SAXO1: variants seen among roughly 807,000 people sequenced by gnomAD.
SAXO1 encodes stabilizer of axonemal microtubules 1.
Under a neutral mutation model 17.5 loss-of-function variants are expected in SAXO1, and 21 were observed. The ratio of observed to expected loss-of-function variants is 1.20; its 90% CI spans 0.85 to 1.72. The LOEUF (loss-of-function observed/expected upper bound fraction) is 1.72, where lower values mean the gene tolerates loss of function less well. Among genes scored for constraint, SAXO1 ranks in the 40% most tolerant of loss-of-function variants. SAXO1 has a pLI of 0.00. For missense variants in SAXO1, 843 were observed against 596.0 expected (o/e 1.41, Z -4.32); for synonymous variants, 274 against 216.5 (o/e 1.27, Z -2.33).
rs1052462 is a variant in SAXO1, at chr9:18,927,823, G to T, written c.*229C>A. On this transcript the variant is annotated 3_prime_UTR_variant, in exon 4 of 4. Coordinates refer to ENST00000380534, the MANE Select transcript of SAXO1 (RefSeq NM_153707.4). ...GCACAAAGTAAAGGACCTGAAACGG[G>T]GTGGGGATGCAGTAAAGGAGAAGGT... 62,794 of 465,354 alleles carry T rather than the reference G, an allele frequency of 0.13. 4,849 individuals are homozygous for T. Among genetic ancestry groups the T allele is most frequent in the African/African-American group, 0.17 (8,435 of 50,896 alleles). 28.8% of individuals were successfully genotyped at this position (465,354 alleles called of 1,614,324 possible). A position where few individuals can be genotyped will look rare whatever the true frequency, so the allele number is the denominator to read the frequency against.
chr9:19,006,906 G>C (rs568101324), intron 1 of SAXO1, among the ~76,000 whole-genome samples: 1 of 152,104 alleles, frequency 6.6e-6, no homozygotes, highest in African/African-American at 2.4e-5. Context: ...TTAGCCAGGT[G>C]TGGTGATGTG....
chr9:19,048,681 C>T (rs766852737), intron 1 of SAXO1, among the ~76,000 whole-genome samples: 1 of 152,214 alleles, frequency 6.6e-6, no homozygotes, highest in African/African-American at 2.4e-5. Flanking sequence ...CATTTAGTAT[C>T]TGTGTAACTT....
chr9:18,968,842 C>A (rs1475241521), intron 1 of SAXO1, among the ~76,000 whole-genome samples: 1 of 152,174 alleles, frequency 6.6e-6, no homozygotes, highest in African/African-American at 2.4e-5. Flanking sequence ...AATCCACCCA[C>A]CTCAGCCTCC....
At chr9:18,951,103 C>G (rs1420155507) in intron 1 of SAXO1, among the ~76,000 whole-genome samples, 166 bp from the exon 2 acceptor site, 2 of 152,132 alleles carry the variant, frequency 1.3e-5, no homozygotes, top group Non-Finnish European at 2.9e-5. Flanking sequence ...CGTGAAGTGG[C>G]CAGAATATAA....
At chr9:18,973,861 G>A (rs1035286546) in intron 1 of SAXO1, among the ~76,000 whole-genome samples, 1 of 152,124 alleles carries the variant, frequency 6.6e-6, no homozygotes, top group Non-Finnish European at 1.5e-5. Flanking sequence ...TTCATTTATT[G>A]CCCACTTATT....
intron 1 of SAXO1, among the ~76,000 whole-genome samples, chr9:19,030,450 T>A (rs1293766242): frequency 2.6e-5 from 4 of 151,958 alleles, no homozygotes; most frequent in African/African-American, 4.8e-5. Context: ...CTCACGCCTG[T>A]AATCCCAACA....
At chr9:19,000,534 C>T (rs993802271) in intron 1 of SAXO1, among the ~76,000 whole-genome samples, 7 of 149,522 alleles carry the variant, frequency 4.7e-5, no homozygotes, top group Admixed American at 2.0e-4. Context: ...CAGCTGCCCC[C>T]CTCTAGGAAA....
At chr9:19,039,223 C>G (rs1192393189) in intron 1 of SAXO1, among the ~76,000 whole-genome samples, 4 of 151,988 alleles carry the variant, frequency 2.6e-5, no homozygotes, top group Non-Finnish European at 4.4e-5. Context: ...GGATTTATCC[C>G]AAGAATACAA....
intron 1 of SAXO1, among the ~76,000 whole-genome samples, chr9:19,023,149 A>AC (rs1381667803): frequency 1.6e-3 from 54 of 33,962 alleles, no homozygotes; most frequent in East Asian, 7.2e-3. Context: ...ATCCCCCCCC[A>AC]CCCCCCCGCC....
At chr9:19,011,849 A>AT (rs1211848537) in intron 1 of SAXO1, among the ~76,000 whole-genome samples, 1,480 of 144,748 alleles carry the variant, frequency 0.01, 25 homozygotes, top group African/African-American at 0.028. Flanking sequence ...TTAAGCATAG[A>AT]TTTTTTTTTT....
At chr9:18,980,972 T>A (rs1362202916) in intron 1 of SAXO1, among the ~76,000 whole-genome samples, 1 of 152,136 alleles carries the variant, frequency 6.6e-6, no homozygotes, top group African/African-American at 2.4e-5. Context: ...GAGCGTTACC[T>A]AAGTGCTAAG....
chr9:18,955,432 T>G (rs1832217482), intron 1 of SAXO1, among the ~76,000 whole-genome samples: 1 of 152,196 alleles, frequency 6.6e-6, no homozygotes, highest in Non-Finnish European at 1.5e-5. Context: ...CCACATATGG[T>G]AGTGGCTTCC....
intron 1 of SAXO1, among the ~76,000 whole-genome samples, chr9:19,030,377 G>C (rs1395719362): frequency 6.6e-6 from 1 of 152,056 alleles, no homozygotes; most frequent in Non-Finnish European, 1.5e-5. Flanking sequence ...ACCAATTAAA[G>C]AAAGATTACA....
intron 1 of SAXO1, among the ~76,000 whole-genome samples, chr9:19,038,812 C>T (rs1023623606): frequency 2.6e-5 from 4 of 151,196 alleles, no homozygotes; most frequent in Non-Finnish European, 4.4e-5. Context: ...TGTGAGGGAG[C>T]AGGGTGAGGC....
intron 3 of SAXO1, among the ~76,000 whole-genome samples, chr9:18,932,332 C>T (rs191644913): frequency 2.4e-4 from 37 of 152,274 alleles, no homozygotes; most frequent in Admixed American, 1.4e-3. Context: ...GAGAAGTTAA[C>T]GACAATAGAC....
intron 1 of SAXO1, among the ~76,000 whole-genome samples, chr9:19,014,039 T>C (rs1834862358): frequency 6.6e-6 from 1 of 152,088 alleles, no homozygotes. Context: ...GAGTTAAACG[T>C]CCTCAGGATA....
At chr9:18,972,847 C>T (rs944178031) in intron 1 of SAXO1, among the ~76,000 whole-genome samples, 6 of 152,228 alleles carry the variant, frequency 3.9e-5, no homozygotes, top group Non-Finnish European at 5.9e-5. Flanking sequence ...CGAGTCCTTC[C>T]GGGCCTAAGG....
At chr9:19,021,230 C>A (rs780675255) in intron 1 of SAXO1, among the ~76,000 whole-genome samples, 3 of 152,120 alleles carry the variant, frequency 2.0e-5, no homozygotes, top group African/African-American at 7.2e-5. Flanking sequence ...CTCTTTAGTT[C>A]TCTGAAATGA....
chr9:18,960,594 A>T (rs565638119), intron 1 of SAXO1, among the ~76,000 whole-genome samples: 7 of 152,260 alleles, frequency 4.6e-5, no homozygotes, highest in African/African-American at 1.7e-4. Flanking sequence ...CCTGGGTAAC[A>T]TGGTGAAACC....
Sources: allele counts gnomAD v4.1 joint callset (sites outside exome capture counted in the v4.1 genomes callset), GRCh38; gene constraint gnomAD v4.1.1; transcripts MANE v1.5; gene names NCBI Gene and HGNC (gene_info 2026-07-23, HGNC 2026-07-21).